Variants in ENTHD1 observed in about 807,000 individuals in gnomAD.
The protein encoded by ENTHD1 is ENTH domain containing 1, also known as ENTH domain-containing protein 1.
ENTHD1 carries 23 observed loss-of-function variants against 39.1 expected under a neutral mutation model. That is an observed-to-expected ratio of 0.59 (90% CI 0.42 to 0.83). The LOEUF (loss-of-function observed/expected upper bound fraction) is 0.83. ENTHD1 is among the 40% of genes least tolerant of loss of function. ENTHD1 has a pLI of 0.00. For synonymous variants in ENTHD1, 230 were observed against 258.2 expected, an observed-to-expected ratio of 0.89 and a Z score of 1.05; for missense variants, 624 against 705.4, an observed-to-expected ratio of 0.88 and a Z score of 1.31.
intron 2 of ENTHD1, chr22:39,875,556 C>A (rs1403182099): frequency 6.2e-7 from 1 of 1,611,374 alleles, no homozygotes; most frequent in African/African-American, 1.3e-5. Flanking sequence ...CCTGACTTCT[C>A]TGAATACCGC....
chr22:39,805,174 CATT>C (rs2065630752), intron 5 of ENTHD1, among the ~76,000 whole-genome samples: 1 of 152,222 alleles, frequency 6.6e-6, no homozygotes, highest in South Asian at 2.1e-4. Flanking sequence ...AATTCCCCCT[CATT>C]CTTCTTTCAT....
intron 2 of ENTHD1, among the ~76,000 whole-genome samples, chr22:39,880,470 A>G (rs1229100675): frequency 6.6e-6 from 1 of 152,168 alleles, no homozygotes; most frequent in Non-Finnish European, 1.5e-5. Context: ...AAAGTAAGCT[A>G]TGGACTTTGG....
intron 3 of ENTHD1, among the ~76,000 whole-genome samples, chr22:39,849,858 A>C (rs1249485096): frequency 2.0e-5 from 3 of 152,180 alleles, no homozygotes; most frequent in Admixed American, 6.6e-5. Context: ...TTTGATACTG[A>C]CATTTTTAAT....
intron 5 of ENTHD1, among the ~76,000 whole-genome samples, chr22:39,786,026 G>C (rs1409874425): frequency 2.6e-5 from 4 of 152,068 alleles, no homozygotes; most frequent in Non-Finnish European, 5.9e-5. Flanking sequence ...ATCCACTTCA[G>C]CTTCTCATCC....
chr22:39,744,275 C>G lies in ENTHD1; in HGVS notation c.1228G>C (p.Ala410Pro). Residue 410 changes from alanine (A) to proline (P), a missense_variant, in exon 7 of 7, where the codon GCT becomes CCT. By Grantham distance (27) the Ala-to-Pro change is conservative. Coordinates refer to ENST00000325157, the MANE Select transcript of ENTHD1 (RefSeq NM_152512.4). Reference protein sequence around the residue: ...ILKTTTRVSTASEGASSFSPL... With the variant: ...ILKTTTRVSTPSEGASSFSPL... Reference sequence around the variant, plus strand: ...GAAAAGGAAGATGCTCCCTCAGAAGCAGTTGAAACTAAAATGTGTAAATGA... The same window carrying G: ...GAAAAGGAAGATGCTCCCTCAGAAGGAGTTGAAACTAAAATGTGTAAATGA... The G allele has an allele frequency of 6.3e-7, 1 of 1,592,268 alleles. No homozygotes were observed.
At chr22:39,760,961 T>C (rs2065228627) in intron 6 of ENTHD1, among the ~76,000 whole-genome samples, 1 of 152,086 alleles carries the variant, frequency 6.6e-6, no homozygotes, top group Non-Finnish European at 1.5e-5. Context: ...TATTATAAGT[T>C]TTGCTTTAGT....
intron 5 of ENTHD1, among the ~76,000 whole-genome samples, chr22:39,816,981 T>TA (rs746952734): frequency 9.9e-5 from 15 of 151,392 alleles, no homozygotes; most frequent in Non-Finnish European, 1.9e-4. Flanking sequence ...ATGAAAAAAA[T>TA]AAAAAATAGG....
chr22:39,832,119 A>T (rs2065873856), intron 4 of ENTHD1, among the ~76,000 whole-genome samples: 1 of 152,120 alleles, frequency 6.6e-6, no homozygotes, highest in African/African-American at 2.4e-5. Flanking sequence ...GGAGTTCGAG[A>T]CTAGCCTCGG....
intron 3 of ENTHD1, among the ~76,000 whole-genome samples, chr22:39,847,536 A>T (rs1017936683): frequency 3.3e-5 from 5 of 151,650 alleles, no homozygotes; most frequent in Non-Finnish European, 7.4e-5. Context: ...AAATAAAAAT[A>T]AAAAAATAAA....
In ENTHD1 at chr22:39,842,036, CT is replaced by C. The variant is rs1412622433; in HGVS notation, c.593-6079del. Among the ~76,000 whole-genome samples the C allele has an allele frequency of 5.5e-5, 8 of 144,952 alleles. 1 individual carries two copies. The highest frequency in any genetic ancestry group is 7.3e-5 in the African/African-American group (3 of 40,994). ...GATATGAATTTCTGGGTTGAAAATT[CT>C]TTTCTTTAAGAATGTTGAATATTGG... On this transcript the variant is annotated intron_variant, in intron 3 of 6. Transcript: ENST00000325157.
intron 2 of ENTHD1, among the ~76,000 whole-genome samples, chr22:39,870,608 G>A (rs1023045315): frequency 1.1e-4 from 17 of 152,176 alleles, no homozygotes; most frequent in African/African-American, 4.1e-4. Context: ...TTAGGATAAA[G>A]AGAAAATATT....
chr22:39,836,060 T>C (rs2065905907), intron 3 of ENTHD1, 102 bp from the exon 4 acceptor site: 1 of 751,974 alleles, frequency 1.3e-6, no homozygotes, highest in East Asian at 2.8e-5. Flanking sequence ...AGATACCTTT[T>C]TTTCCTGCTA....
intron 5 of ENTHD1, among the ~76,000 whole-genome samples, chr22:39,778,027 A>G (rs1256304585): frequency 6.6e-6 from 1 of 152,258 alleles, no homozygotes. Context: ...CAATGACAAT[A>G]AAACCCTACA....
chr22:39,796,180 T>G (rs1284993328), intron 5 of ENTHD1, among the ~76,000 whole-genome samples: 1 of 152,114 alleles, frequency 6.6e-6, no homozygotes, highest in Non-Finnish European at 1.5e-5. Flanking sequence ...TTTATTGATA[T>G]AGGTGTTTAC....
intron 5 of ENTHD1, among the ~76,000 whole-genome samples, chr22:39,797,633 G>C (rs1353483519): frequency 1.3e-5 from 2 of 152,104 alleles, no homozygotes; most frequent in Non-Finnish European, 2.9e-5. Flanking sequence ...TGGTCTAGTG[G>C]TGATGAATTC....
At chr22:39,758,640 G>A (rs950813276) in intron 6 of ENTHD1, among the ~76,000 whole-genome samples, 3 of 152,128 alleles carry the variant, frequency 2.0e-5, no homozygotes, top group Non-Finnish European at 2.9e-5. Context: ...TGACCACTCT[G>A]ATCTTGAACT....
At chr22:39,860,068 C>G (rs1254634992) in intron 3 of ENTHD1, among the ~76,000 whole-genome samples, 3 of 152,120 alleles carry the variant, frequency 2.0e-5, no homozygotes, top group Non-Finnish European at 4.4e-5. Context: ...CTTTACAGGA[C>G]TTGTTATTAT....
intron 2 of ENTHD1, among the ~76,000 whole-genome samples, chr22:39,884,762 A>G (rs2066366946): frequency 6.6e-6 from 1 of 152,194 alleles, no homozygotes; most frequent in Non-Finnish European, 1.5e-5. Context: ...CTCAACAGGG[A>G]AAAAATGGTC....
In ENTHD1 at chr22:39,807,965, G is replaced by A. The variant is rs575561463; in HGVS notation, c.832+13028C>T. Among the ~76,000 whole-genome samples, 3 of 152,080 alleles carry A rather than the reference G, an allele frequency of 2.0e-5. No homozygotes were observed. In the South Asian group the frequency reaches 6.2e-4, roughly 32 times the overall value. On this transcript the variant is annotated intron_variant, in intron 5 of 6. Coordinates refer to ENST00000325157, the MANE Select transcript of ENTHD1 (RefSeq NM_152512.4). ...AAGGCATTTCTGACTGTGGGTCACA[G>A]TCAAAAGGTTTGAAACACATCAGCG...
Sources: allele counts gnomAD v4.1 joint callset (sites outside exome capture counted in the v4.1 genomes callset), GRCh38; gene constraint gnomAD v4.1.1; transcripts MANE v1.5; gene names NCBI Gene and HGNC (gene_info 2026-07-23, HGNC 2026-07-21).